RBFOX1: variants seen among roughly 807,000 people sequenced by gnomAD.
RBFOX1 encodes RNA binding fox-1 homolog 1, also known as RNA binding protein fox-1 homolog 1.
A neutral mutation model predicts 57.7 loss-of-function variants in RBFOX1; 8 were observed. The ratio of observed to expected loss-of-function variants is 0.14; its 90% CI spans 0.08 to 0.25. RBFOX1 has a LOEUF of 0.25. Ranked by LOEUF, RBFOX1 falls within the 10% of genes least tolerant of loss-of-function variation. RBFOX1 has a pLI of 1.00. For missense variants in RBFOX1, 611 were observed against 548.5 expected (o/e 1.11, Z -1.14); for synonymous variants, 326 against 222.4 (o/e 1.47, Z -4.15).
intron 3 of RBFOX1, among the ~76,000 whole-genome samples, chr16:5,840,355 C>T (rs779806550): frequency 7.2e-5 from 11 of 152,248 alleles, no homozygotes; most frequent in Non-Finnish European, 1.2e-4. Flanking sequence ...AAAGCCACAC[C>T]CAGAGAGGCC....
chr16:6,510,593 A>T (rs529813112), intron 2 of RBFOX1, among the ~76,000 whole-genome samples: 1 of 152,276 alleles, frequency 6.6e-6, no homozygotes, highest in South Asian at 2.1e-4. Context: ...AGTCGGGAGG[A>T]TGAAAGCCTG....
At chr16:7,201,297 T>C (rs1390590856) in intron 4 of RBFOX1, among the ~76,000 whole-genome samples, 2 of 152,060 alleles carry the variant, frequency 1.3e-5, no homozygotes, top group Non-Finnish European at 2.9e-5. Flanking sequence ...AGCCAGGTAG[T>C]AGAAGAGGTG....
chr16:6,824,515 A>T (rs947277327), intron 3 of RBFOX1, among the ~76,000 whole-genome samples: 6 of 152,284 alleles, frequency 3.9e-5, no homozygotes, highest in East Asian at 3.9e-4. Flanking sequence ...TTCATTTTTT[A>T]AAAATTAACA....
At chr16:5,443,412 A>G (rs903784235) in intron 1 of RBFOX1, among the ~76,000 whole-genome samples, 4 of 152,176 alleles carry the variant, frequency 2.6e-5, no homozygotes, top group African/African-American at 7.2e-5. Context: ...ATCTTGGCTC[A>G]CTGCAACCTC....
chr16:5,737,984 C>A (rs1597041964), intron 3 of RBFOX1, among the ~76,000 whole-genome samples: 1 of 152,194 alleles, frequency 6.6e-6, no homozygotes, highest in East Asian at 1.9e-4. Flanking sequence ...TTAAGTATTT[C>A]TGCTAATGTT....
intron 1 of RBFOX1, among the ~76,000 whole-genome samples, chr16:5,459,024 A>G (rs80209449): frequency 0.016 from 2,398 of 152,186 alleles, 61 homozygotes; most frequent in East Asian, 0.095. Flanking sequence ...TCCATATCCC[A>G]TATCTCTGAA....
intron 3 of RBFOX1, among the ~76,000 whole-genome samples, chr16:6,681,669 CAGAA>C (rs1013530266): frequency 2.6e-5 from 1 of 38,738 alleles, no homozygotes; most frequent in Non-Finnish European, 6.4e-5. Flanking sequence ...GTCATTTAAC[CAGAA>C]AAAAAAAAAA....
chr16:6,684,121 T>C (rs2059077489), intron 3 of RBFOX1, among the ~76,000 whole-genome samples: 1 of 152,192 alleles, frequency 6.6e-6, no homozygotes. Flanking sequence ...AATTTCCTGA[T>C]GGTTTTCAAT....
chr16:6,888,832 C>G (rs1053211681), intron 3 of RBFOX1, among the ~76,000 whole-genome samples: 1 of 152,138 alleles, frequency 6.6e-6, no homozygotes, highest in African/African-American at 2.4e-5. Context: ...TTGCTTCTAA[C>G]TATATTTTTA....
chr16:7,398,278 C>T (rs1369085022), intron 4 of RBFOX1, among the ~76,000 whole-genome samples: 1 of 152,074 alleles, frequency 6.6e-6, no homozygotes, highest in Non-Finnish European at 1.5e-5. Flanking sequence ...TTTTTCTTTC[C>T]CTCTGGGTGA....
chr16:7,379,344 G>C (rs1376219357), intron 4 of RBFOX1, among the ~76,000 whole-genome samples: 2 of 152,152 alleles, frequency 1.3e-5, no homozygotes, highest in Non-Finnish European at 1.5e-5. Flanking sequence ...AGTATTATCT[G>C]ATGGAGGAGA....
At chr16:6,782,912 C>G (rs1370580797) in intron 3 of RBFOX1, among the ~76,000 whole-genome samples, 2 of 151,994 alleles carry the variant, frequency 1.3e-5, no homozygotes, top group African/African-American at 4.8e-5. Flanking sequence ...TCTGAGTGAT[C>G]CAGCATTAGG....
intron 4 of RBFOX1, among the ~76,000 whole-genome samples, chr16:7,514,978 T>C (rs2076037703): frequency 6.6e-6 from 1 of 152,202 alleles, no homozygotes; most frequent in African/African-American, 2.4e-5. Context: ...CCACTGCTTA[T>C]GTGGTTATTC....
At chr16:5,914,417 C>G (rs73519497) in intron 4 of RBFOX1, among the ~76,000 whole-genome samples, 6,964 of 152,202 alleles carry the variant, frequency 0.046, 576 homozygotes, top group African/African-American at 0.16. Context: ...TGAATCCTGA[C>G]TGAGGCTAGA....
intron 4 of RBFOX1, among the ~76,000 whole-genome samples, chr16:7,473,421 C>T (rs2061968905): frequency 6.8e-6 from 1 of 147,440 alleles, no homozygotes; most frequent in Non-Finnish European, 1.5e-5. Context: ...GTTATATATA[C>T]ATAGTATATA....
At chr16:6,837,381 T>C (rs752754800) in intron 3 of RBFOX1, among the ~76,000 whole-genome samples, 7 of 152,204 alleles carry the variant, frequency 4.6e-5, no homozygotes, top group Non-Finnish European at 1.0e-4. Flanking sequence ...TTCTCCGCAA[T>C]GGTAGTGACT....
In RBFOX1 at chr16:5,989,086, C is replaced by T. The variant is rs908750290; in HGVS notation, c.351+121751C>T. Among the ~76,000 whole-genome samples, 11 of 151,336 alleles carry T rather than the reference C, an allele frequency of 7.3e-5. 1 individual carries two copies. The highest frequency in any genetic ancestry group is 4.2e-4 in the South Asian group (2 of 4,778). The stretch of plus-strand genomic sequence containing the variant: ...CTGTAATCCCAGCACTTTGGGAGGC[C>T]GAGGCGGGTGGATCACGAGGTCAAG... On this transcript the variant is annotated intron_variant, in intron 4 of 19. Transcript: ENST00000641259.
chr16:5,779,817 C>T (rs540045872), intron 3 of RBFOX1, among the ~76,000 whole-genome samples: 100 of 152,304 alleles, frequency 6.6e-4, no homozygotes, highest in African/African-American at 2.4e-3. Flanking sequence ...AGTTCAAACC[C>T]TAGCTCTCCG....
intron 1 of RBFOX1, among the ~76,000 whole-genome samples, chr16:6,104,308 T>G (rs1018145058): frequency 1.3e-5 from 2 of 152,198 alleles, no homozygotes; most frequent in Non-Finnish European, 2.9e-5. Flanking sequence ...TCAGTACTCT[T>G]TATATTGCAA....
Sources: gnomAD v4.1 joint callset for allele counts (sites outside exome capture counted in the v4.1 genomes callset) on GRCh38, gnomAD v4.1.1 for gene constraint, MANE v1.5 for transcripts, NCBI Gene and HGNC (gene_info 2026-07-23, HGNC 2026-07-21) for gene names.